Variants in ARFGEF1 observed in about 807,000 individuals in gnomAD.
The protein encoded by ARFGEF1 is brefeldin A-inhibited guanine nucleotide-exchange protein 1.
Under a neutral mutation model 231.0 loss-of-function variants are expected in ARFGEF1, and 42 were observed. The observed-to-expected ratio is 0.18, with a 90% CI of 0.14 to 0.24. The LOEUF is 0.24. Ranked by LOEUF, ARFGEF1 falls within the 10% of genes least tolerant of loss-of-function variation. The probability of loss-of-function intolerance (pLI) is 1.00; values close to 1 mark genes in which losing one functional copy is unlikely to be tolerated. For missense variants in ARFGEF1, 1,345 were observed against 2,192.0 expected (o/e 0.61, Z 7.72); for synonymous variants, 710 against 732.3 (o/e 0.97, Z 0.49).
intron 19 of ARFGEF1, among the ~76,000 whole-genome samples, chr8:67,244,124 C>T (rs1302613689): frequency 6.6e-6 from 1 of 151,150 alleles, no homozygotes; most frequent in African/African-American, 2.4e-5. Context: ...TGCCTGGAAT[C>T]CAAGCTACTC....
chr8:67,249,987 C>T (rs1366592917), intron 19 of ARFGEF1, among the ~76,000 whole-genome samples: 3 of 152,202 alleles, frequency 2.0e-5, no homozygotes, highest in East Asian at 1.9e-4. Flanking sequence ...AGACAAAGGA[C>T]ATACCTCATA....
chr8:67,236,368 ATATATATATATATATATATAT>A lies in ARFGEF1; in HGVS notation c.3289+1954_3289+1974del, dbSNP rs1839763334. On this transcript the variant is annotated intron_variant, in intron 22 of 38. Transcript: ENST00000262215. The stretch of plus-strand genomic sequence containing the variant: ...ATTAGTTAAAAAAAAAAAAAAAAAT[ATATATATATATATATATATAT>A]ATATATATATATATATATATATGTA... 3.8e-3 allele frequency among the ~76,000 whole-genome samples: 100 copies of A among 26,224 alleles called. 1 individual carries two copies. Among genetic ancestry groups the A allele is most frequent in the Non-Finnish European group, 4.5e-3 (70 of 15,438 alleles). 17.2% of individuals were successfully genotyped at this position (26,224 alleles called of 152,430 possible). A position where few individuals can be genotyped will look rare whatever the true frequency, so the allele number is the denominator to read the frequency against.
intron 1 of ARFGEF1, among the ~76,000 whole-genome samples, chr8:67,314,910 T>C (rs1275209662): frequency 1.3e-5 from 2 of 152,142 alleles, no homozygotes; most frequent in African/African-American, 2.4e-5. Context: ...CATGGTGGCA[T>C]GTGCCTGTAG....
intron 1 of ARFGEF1, among the ~76,000 whole-genome samples, chr8:67,307,183 C>T (rs181056278): frequency 3.3e-5 from 5 of 152,306 alleles, no homozygotes; most frequent in South Asian, 2.1e-4. Flanking sequence ...ACCATAATGC[C>T]GCTAGTATTC....
intron 1 of ARFGEF1, among the ~76,000 whole-genome samples, chr8:67,330,615 C>A (rs1808057594): frequency 6.6e-6 from 1 of 152,124 alleles, no homozygotes; most frequent in African/African-American, 2.4e-5. Context: ...TGTAAAAACT[C>A]ATTTTTGGAC....
At chr8:67,261,560 T>C (rs1804620859) in intron 14 of ARFGEF1, among the ~76,000 whole-genome samples, 2 of 152,224 alleles carry the variant, frequency 1.3e-5, no homozygotes, top group Non-Finnish European at 2.9e-5. Context: ...AGATTACTGC[T>C]CATTGACAAT....
chr8:67,329,648 CA>C (rs553591930), intron 1 of ARFGEF1, among the ~76,000 whole-genome samples: 21 of 148,328 alleles, frequency 1.4e-4, no homozygotes, highest in African/African-American at 2.2e-4. Flanking sequence ...TTTCCAAACT[CA>C]AAAAAAAAAT....
At chr8:67,269,974 A>G (rs1805008911) in intron 10 of ARFGEF1, among the ~76,000 whole-genome samples, 1 of 152,192 alleles carries the variant, frequency 6.6e-6, no homozygotes, top group Admixed American at 6.5e-5. Flanking sequence ...CTACAGAAGC[A>G]GAATCTCAGT....
chr8:67,325,085 G>T (rs921369671), intron 1 of ARFGEF1, among the ~76,000 whole-genome samples: 1 of 151,980 alleles, frequency 6.6e-6, no homozygotes, highest in Admixed American at 6.6e-5. Flanking sequence ...GGCTAATTTT[G>T]TATTTTTAGT....
At chr8:67,208,912 C>T (rs1838620301) in intron 34 of ARFGEF1, among the ~76,000 whole-genome samples, 1 of 152,178 alleles carries the variant, frequency 6.6e-6, no homozygotes, top group Non-Finnish European at 1.5e-5. Context: ...ACTTCTCACC[C>T]ACTAGAATGG....
chr8:67,204,290 G>A (rs922012260), intron 35 of ARFGEF1, among the ~76,000 whole-genome samples: 1 of 152,144 alleles, frequency 6.6e-6, no homozygotes, highest in East Asian at 1.9e-4. Context: ...CAATTCTCAG[G>A]TGTAATATCA....
chr8:67,266,964 T>A lies in ARFGEF1; in HGVS notation c.1833A>T (p.Lys611Asn). Residue 611 changes from lysine (K) to asparagine (N), a missense_variant, in exon 13 of 39, where the codon AAA (lysine) becomes AAT (asparagine). Lys to Asn is a moderately conservative substitution (Grantham distance 94, BLOSUM62 0). This residue lies in a region of ARFGEF1 where 141 missense variants were observed against 259.9 expected (regional missense o/e 0.54). Coordinates refer to ENST00000262215, the MANE Select transcript of ARFGEF1 (RefSeq NM_006421.5). Reference protein sequence around the residue: ...SNVQELSLRKKGLECLVSILK... With the variant: ...SNVQELSLRKNGLECLVSILK... The stretch of plus-strand genomic sequence containing the variant: ...AAATCGACACTAAGCATTCTAAACC[T>A]TTTTTCCTCAGGCTCAATTCCTACA... 1 of 1,613,048 alleles carries A rather than the reference T, an allele frequency of 6.2e-7. No individual in the cohort carries two copies. The highest frequency in any genetic ancestry group is 8.5e-7 in the Non-Finnish European group (1 of 1,179,464).
intron 22 of ARFGEF1, among the ~76,000 whole-genome samples, chr8:67,233,553 T>C (rs185349474): frequency 3.3e-5 from 5 of 152,156 alleles, no homozygotes; most frequent in Admixed American, 3.3e-4. Context: ...ACTAAATTTT[T>C]CTTCTGATCT....
Position 67,239,227 on chromosome 8 carries a change from C to T in ARFGEF1, c.2980-334G>A, listed in dbSNP as rs896566625. Among the ~76,000 whole-genome samples, 10 of 151,814 alleles carry T rather than the reference C, an allele frequency of 6.6e-5. No homozygotes were observed. The East Asian group carries it at 9.7e-4, about 15-fold the overall frequency. On this transcript the variant is annotated intron_variant, in intron 20 of 38. Coordinates refer to ENST00000262215, the MANE Select transcript of ARFGEF1 (RefSeq NM_006421.5). ...TTCACCATGTTGGCCAGGCTGGTCT[C>T]GAACTCCTGATCTCGTGATCTGCCC...
chr8:67,236,361 AAAAAATATAT>A (rs1235349349), intron 22 of ARFGEF1, among the ~76,000 whole-genome samples: 2 of 42,064 alleles, frequency 4.8e-5, no homozygotes, highest in African/African-American at 2.3e-4. Flanking sequence ...AAAAAAAAAA[AAAAAATATAT>A]ATATATATAT....
chr8:67,340,166 T>G (rs1032503512), intron 1 of ARFGEF1, among the ~76,000 whole-genome samples: 6 of 152,202 alleles, frequency 3.9e-5, no homozygotes, highest in Non-Finnish European at 8.8e-5. Flanking sequence ...GCCAATACAA[T>G]GATTTTCAAA....
intron 29 of ARFGEF1, among the ~76,000 whole-genome samples, chr8:67,220,639 TCCACA>T (rs1839115544): frequency 6.6e-6 from 1 of 152,166 alleles, no homozygotes; most frequent in Admixed American, 6.5e-5. Flanking sequence ...AAGAAAGTCT[TCCACA>T]GGAGACGCCT....
chr8:67,279,038 A>G (rs1250755103), intron 7 of ARFGEF1, among the ~76,000 whole-genome samples: 2 of 152,104 alleles, frequency 1.3e-5, no homozygotes, highest in South Asian at 2.1e-4. Context: ...CCAAGGTGGG[A>G]GGATCACTTG....
intron 8 of ARFGEF1, 37 bp from the exon 9 acceptor site, chr8:67,276,146 A>C (rs1231694122): frequency 6.2e-7 from 1 of 1,608,918 alleles, no homozygotes; most frequent in East Asian, 2.2e-5. Flanking sequence ...TTTTAGAGAT[A>C]TTTGCCAGTG....
Sources: gnomAD v4.1 joint callset for allele counts (sites outside exome capture counted in the v4.1 genomes callset) on GRCh38, gnomAD v4.1.1 for gene constraint, gnomAD v4.1.1 regional missense constraint, MANE v1.5 for transcripts, NCBI Gene and HGNC (gene_info 2026-07-23, HGNC 2026-07-21) for gene names.